MAP2: variants seen among roughly 807,000 people sequenced by gnomAD.
The protein encoded by MAP2 is microtubule-associated protein 2.
Under a neutral mutation model 137.6 loss-of-function variants are expected in MAP2, and 14 were observed. The observed-to-expected ratio is 0.10, with a 90% CI of 0.07 to 0.16. The LOEUF is 0.16. Among genes scored for constraint, MAP2 ranks in the 10% least tolerant of loss-of-function variants. The pLI, the probability that MAP2 is intolerant of heterozygous loss-of-function variation, is 1.00. For synonymous variants in MAP2, 786 were observed against 782.3 expected, an observed-to-expected ratio of 1.00 and a Z score of -0.08; for missense variants, 2,088 against 2,191.5, an observed-to-expected ratio of 0.95 and a Z score of 0.94.
At chr2:209,638,717 C>G (rs1437651390) in intron 4 of MAP2, among the ~76,000 whole-genome samples, 2 of 151,978 alleles carry the variant, frequency 1.3e-5, no homozygotes, top group African/African-American at 2.4e-5. Context: ...CATGTAGTAC[C>G]TATTTTATCC....
intron 3 of MAP2, among the ~76,000 whole-genome samples, chr2:209,610,439 G>C (rs535214654): frequency 8.6e-4 from 131 of 151,448 alleles, no homozygotes; most frequent in African/African-American, 2.4e-3. Flanking sequence ...AATGTGTATT[G>C]TTTTTACTTT....
chr2:209,476,636 A>G (rs1266991749), intron 1 of MAP2, among the ~76,000 whole-genome samples: 1 of 152,196 alleles, frequency 6.6e-6, no homozygotes, highest in African/African-American at 2.4e-5. Flanking sequence ...CTTGAAAAAT[A>G]TACGACGTCC....
At chr2:209,451,288 G>A (rs544213575) in intron 1 of MAP2, among the ~76,000 whole-genome samples, 29 of 152,280 alleles carry the variant, frequency 1.9e-4, no homozygotes, top group Non-Finnish European at 3.1e-4. Flanking sequence ...GACCCTAGGC[G>A]TCTGCCCATC....
intron 2 of MAP2, among the ~76,000 whole-genome samples, chr2:209,563,742 C>G (rs936312182): frequency 2.6e-5 from 4 of 152,180 alleles, no homozygotes; most frequent in African/African-American, 9.7e-5. Flanking sequence ...TTGGTCTCAA[C>G]CAAGATAGAA....
chr2:209,677,778 A>G (rs888864608), intron 5 of MAP2, among the ~76,000 whole-genome samples: 1 of 151,952 alleles, frequency 6.6e-6, no homozygotes, highest in African/African-American at 2.4e-5. Context: ...AAAAAATGAA[A>G]CTAAGATGAT....
intron 3 of MAP2, among the ~76,000 whole-genome samples, chr2:209,589,280 A>G (rs2078615243): frequency 6.6e-6 from 1 of 152,208 alleles, no homozygotes; most frequent in South Asian, 2.1e-4. Flanking sequence ...CATTGTTATT[A>G]TATTTGGTAT....
rs577530625 is a variant in MAP2 at position 209,587,160 on chromosome 2, A to G, written c.-107+7060A>G. ...ATTTCCTGCCTCATGATTTCTTTGG[A>G]CTTTAATGTCCTCTCTGCCTGGATT... On this transcript the variant is annotated intron_variant, in intron 3 of 15. Coordinates refer to ENST00000682079, the MANE Select transcript of MAP2 (RefSeq NM_001375505.1). 3.3e-5 allele frequency among the ~76,000 whole-genome samples: 5 copies of G among 151,846 alleles called. No homozygotes were observed. In the East Asian group the frequency reaches 9.7e-4, roughly 29 times the overall value.
At position 209,558,686 on chromosome 2, in the gene MAP2, CTAA is replaced by C. The variant is rs146564485; in HGVS notation, c.-171-21333_-171-21331del. ...CATTTGTCCCCAAAATGTTCTTTTT[CTAA>C]TAATAATAATAATAATCCAAGAATA... is the stretch of plus-strand genomic sequence containing the variant. On this transcript the variant is annotated intron_variant, in intron 2 of 15. Coordinates refer to ENST00000682079, the MANE Select transcript of MAP2 (RefSeq NM_001375505.1). Among the ~76,000 whole-genome samples the C allele has an allele frequency of 7.4e-4, 111 of 150,382 alleles. 2 individuals carry two copies. The highest frequency in any genetic ancestry group is 4.5e-3 in the East Asian group (23 of 5,134).
At chr2:209,505,952 A>G (rs1296921289) in intron 1 of MAP2, among the ~76,000 whole-genome samples, 1 of 152,126 alleles carries the variant, frequency 6.6e-6, no homozygotes, top group Non-Finnish European at 1.5e-5. Flanking sequence ...CGACTAGGTG[A>G]CAGAGTGAGA....
At chr2:209,442,849 C>G (rs1698150579) in intron 1 of MAP2, among the ~76,000 whole-genome samples, 2 of 151,580 alleles carry the variant, frequency 1.3e-5, no homozygotes, top group African/African-American at 4.8e-5. Context: ...AAAAAGTCAT[C>G]CTAGACTCCT....
At chr2:209,604,635 G>C (rs11897507) in intron 3 of MAP2, among the ~76,000 whole-genome samples, 7,257 of 152,230 alleles carry the variant, frequency 0.048, 243 homozygotes, top group African/African-American at 0.095. Context: ...GTAACAGTCT[G>C]TTTTATGGAG....
chr2:209,486,027 T>C (rs886840687), intron 1 of MAP2, among the ~76,000 whole-genome samples: 1 of 152,206 alleles, frequency 6.6e-6, no homozygotes, highest in African/African-American at 2.4e-5. Context: ...ATCTTCTTCA[T>C]AGCAGTCATC....
chr2:209,600,734 G>A (rs1233185593), intron 3 of MAP2, among the ~76,000 whole-genome samples: 2 of 152,210 alleles, frequency 1.3e-5, no homozygotes, highest in African/African-American at 4.8e-5. Flanking sequence ...AGGACACGGT[G>A]AGTGAGCTGG....
chr2:209,513,442 A>G (rs2062013322), intron 2 of MAP2, among the ~76,000 whole-genome samples: 1 of 152,156 alleles, frequency 6.6e-6, no homozygotes, highest in South Asian at 2.1e-4. Flanking sequence ...CACTTAGGAA[A>G]TGCTTATATA....
chr2:209,574,388 C>G (rs1363659021), intron 2 of MAP2, among the ~76,000 whole-genome samples: 6 of 151,720 alleles, frequency 4.0e-5, no homozygotes, highest in Non-Finnish European at 7.4e-5. Context: ...TACATTGTGG[C>G]AAATGGCAAG....
intron 2 of MAP2, among the ~76,000 whole-genome samples, chr2:209,560,120 G>A (rs1386576453): frequency 6.6e-6 from 1 of 152,154 alleles, no homozygotes; most frequent in Non-Finnish European, 1.5e-5. Flanking sequence ...TACAACATGA[G>A]TCCTTGTCTT....
rs2075589869 is a variant in MAP2 at position 209,730,214 on chromosome 2, T to C, written c.5301T>C (p.His1767=). 1.9e-6 allele frequency: 3 copies of C among 1,614,030 alleles called. No individual in the cohort carries two copies. The highest frequency in any genetic ancestry group is 2.5e-6 in the Non-Finnish European group (3 of 1,179,984). ...IDSQKLNFRE[H]AKARVDHGAE... ...GCCAAAAGTTGAACTTCAGAGAGCA[T>C]GCTAAAGCCCGTGTGGACCATGGGG... Residue 1767 remains histidine, a synonymous_variant, in exon 16 of 16, where the codon CAT becomes CAC. Coordinates refer to ENST00000682079, the MANE Select transcript of MAP2 (RefSeq NM_001375505.1).
At chr2:209,505,741 G>A (rs996062010) in intron 1 of MAP2, among the ~76,000 whole-genome samples, 25 of 149,054 alleles carry the variant, frequency 1.7e-4, no homozygotes, top group Admixed American at 1.6e-3. Context: ...AGAGGCCAAG[G>A]TGGGTGGATT....
chr2:209,516,354 C>G (rs1458402026), intron 2 of MAP2, among the ~76,000 whole-genome samples: 1 of 152,034 alleles, frequency 6.6e-6, no homozygotes, highest in Non-Finnish European at 1.5e-5. Context: ...ACCTTTTCCT[C>G]AAAACTATTG....
Sources: allele counts gnomAD v4.1 joint callset (sites outside exome capture counted in the v4.1 genomes callset), GRCh38; gene constraint gnomAD v4.1.1; transcripts MANE v1.5; gene names NCBI Gene and HGNC (gene_info 2026-07-23, HGNC 2026-07-21).